The following UMAD1 variants were observed in gnomAD, a reference collection of about 807,000 sequenced individuals.
UMAD1 encodes the protein UBAP1-MVB12-associated (UMA)-domain containing protein 1.
UMAD1 carries 8 observed loss-of-function variants against 6.1 expected under a neutral mutation model. The ratio of observed to expected loss-of-function variants is 1.30; its 90% CI spans 0.76 to 2.35. The LOEUF is 2.35. UMAD1 is among the 30% of genes most tolerant of loss of function. UMAD1 has a pLI of 0.00. For missense variants in UMAD1, 130 were observed against 78.4 expected, an observed-to-expected ratio of 1.66 and a Z score of -2.49; for synonymous variants, 56 against 31.4, an observed-to-expected ratio of 1.78 and a Z score of -2.61.
intron 2 of UMAD1, among the ~76,000 whole-genome samples, chr7:7,787,243 T>A (rs1345950473): frequency 2.0e-5 from 3 of 151,942 alleles, no homozygotes; most frequent in Non-Finnish European, 2.9e-5. Context: ...AGGTTTAAAG[T>A]ATATAAACCA....
At chr7:7,734,040 G>T (rs146547664) in intron 2 of UMAD1, among the ~76,000 whole-genome samples, 1 of 152,178 alleles carries the variant, frequency 6.6e-6, no homozygotes, top group African/African-American at 2.4e-5. Flanking sequence ...TACAAGGTAT[G>T]TATAAGGTTA....
Position 7,878,848 on chromosome 7 carries a change from A to T in UMAD1, c.*1310A>T, listed in dbSNP as rs1784474326. ...TTAGAGGAACATTTCTATTGACAAA[A>T]ATATGCTTCATTTACATATAATGTT... is the stretch of plus-strand genomic sequence containing the variant. On this transcript the variant is annotated 3_prime_UTR_variant, in exon 4 of 4. Transcript: ENST00000682710. The T allele has an allele frequency of 1.3e-5, 2 of 152,220 alleles. No homozygotes were observed. Among genetic ancestry groups the T allele is most frequent in the Admixed American group, 6.5e-5 (1 of 15,290 alleles). The allele number at this position is 152,220 out of a possible 1,614,324, so 9.4% of individuals were successfully genotyped here. A position where few individuals can be genotyped will look rare whatever the true frequency, so the allele number is the denominator to read the frequency against.
At chr7:7,685,597 C>A (rs766743949) in intron 2 of UMAD1, among the ~76,000 whole-genome samples, 2 of 152,112 alleles carry the variant, frequency 1.3e-5, no homozygotes. Context: ...CGTGAGCCAC[C>A]GTGCCCGGCC....
chr7:7,853,475 C>G (rs1783957968), intron 3 of UMAD1, among the ~76,000 whole-genome samples: 1 of 151,626 alleles, frequency 6.6e-6, no homozygotes, highest in Non-Finnish European at 1.5e-5. Context: ...TTATTTAGGT[C>G]TTAATTTTTT....
At chr7:7,820,067 A>G (rs1046527045) in intron 3 of UMAD1, among the ~76,000 whole-genome samples, 1 of 152,214 alleles carries the variant, frequency 6.6e-6, no homozygotes, top group African/African-American at 2.4e-5. Context: ...GTTGTCACTC[A>G]GGCAAATTTT....
At chr7:7,793,345 G>C (rs1782606407) in intron 2 of UMAD1, among the ~76,000 whole-genome samples, 1 of 152,282 alleles carries the variant, frequency 6.6e-6, no homozygotes, top group Non-Finnish European at 1.5e-5. Flanking sequence ...CACAGTGCCA[G>C]GCTGCCTAGA....
At chr7:7,822,324 ATAT>A (rs1010414359) in intron 3 of UMAD1, among the ~76,000 whole-genome samples, 3 of 152,040 alleles carry the variant, frequency 2.0e-5, no homozygotes, top group African/African-American at 7.2e-5. Flanking sequence ...GATAAATGTA[ATAT>A]TTGAATTAGT....
intron 2 of UMAD1, among the ~76,000 whole-genome samples, chr7:7,744,460 T>G (rs1781530745): frequency 6.6e-6 from 1 of 152,210 alleles, no homozygotes; most frequent in African/African-American, 2.4e-5. Flanking sequence ...CTAGGTTATA[T>G]GGCAGTCCTA....
chr7:7,847,098 AAAAAAAATATATATATATATATAT>A (rs1783808099), intron 3 of UMAD1, among the ~76,000 whole-genome samples: 7 of 46,918 alleles, frequency 1.5e-4, no homozygotes, highest in African/African-American at 7.9e-4. Flanking sequence ...AAAAAAAAAA[AAAAAAAATATATATATATATATAT>A]ATATATATAT....
intron 1 of UMAD1, among the ~76,000 whole-genome samples, chr7:7,648,928 G>A (rs1259408609): frequency 6.6e-6 from 1 of 152,066 alleles, no homozygotes; most frequent in Non-Finnish European, 1.5e-5. Context: ...GGAGGCCGAG[G>A]TGGGTGGATC....
At chr7:7,755,385 C>A (rs1051377753) in intron 2 of UMAD1, among the ~76,000 whole-genome samples, 3 of 152,166 alleles carry the variant, frequency 2.0e-5, no homozygotes, top group Non-Finnish European at 4.4e-5. Context: ...ATCAAGAGCT[C>A]ATTTACAAGA....
intron 2 of UMAD1, among the ~76,000 whole-genome samples, chr7:7,721,545 T>A (rs903796447): frequency 1.3e-5 from 2 of 152,216 alleles, no homozygotes; most frequent in African/African-American, 4.8e-5. Flanking sequence ...GAGTTATGTT[T>A]CATAAAATAT....
At chr7:7,735,066 A>G (rs1781325335) in intron 2 of UMAD1, among the ~76,000 whole-genome samples, 1 of 150,474 alleles carries the variant, frequency 6.6e-6, no homozygotes, top group African/African-American at 2.5e-5. Flanking sequence ...CACAAAACCA[A>G]TAGTGTAAAA....
chr7:7,822,610 A>G (rs1301275579), intron 3 of UMAD1, among the ~76,000 whole-genome samples: 2 of 152,130 alleles, frequency 1.3e-5, no homozygotes, highest in East Asian at 3.8e-4. Context: ...CTCAGTTTAT[A>G]TCTGTGCCTT....
chr7:7,669,244 G>A (rs190669739), intron 1 of UMAD1, among the ~76,000 whole-genome samples: 254 of 152,266 alleles, frequency 1.7e-3, no homozygotes, highest in Non-Finnish European at 3.0e-3. Flanking sequence ...AGGAGGAAAC[G>A]ATTGTATACG....
At chr7:7,644,367 T>TTA (rs71010992) in intron 1 of UMAD1, among the ~76,000 whole-genome samples, 2 of 151,212 alleles carry the variant, frequency 1.3e-5, no homozygotes, top group Admixed American at 6.6e-5. Flanking sequence ...TTTTTTTTTT[T>TTA]ATTAGGAAGA....
chr7:7,710,389 A>G (rs531923733), intron 2 of UMAD1, among the ~76,000 whole-genome samples: 9 of 152,332 alleles, frequency 5.9e-5, no homozygotes, highest in African/African-American at 2.2e-4. Context: ...ACATAAAACC[A>G]AATTAGAAAA....
chr7:7,854,212 G>C (rs1460397695), intron 3 of UMAD1, among the ~76,000 whole-genome samples: 1 of 151,874 alleles, frequency 6.6e-6, no homozygotes, highest in African/African-American at 2.4e-5. Context: ...AGAATTAGCT[G>C]GGTGTGGTGG....
chr7:7,842,610 C>CTT (rs148830169), intron 3 of UMAD1, among the ~76,000 whole-genome samples: 1 of 146,180 alleles, frequency 6.8e-6, no homozygotes, highest in African/African-American at 2.6e-5. Flanking sequence ...ATTAAGTTAC[C>CTT]TTTTTTTAAA....
Sources: allele counts gnomAD v4.1 joint callset (sites outside exome capture counted in the v4.1 genomes callset), GRCh38; gene constraint gnomAD v4.1.1; transcripts MANE v1.5; gene names NCBI Gene and HGNC (gene_info 2026-07-23, HGNC 2026-07-21).